Variants in ACSL4 observed in about 807,000 individuals in gnomAD.
The protein encoded by ACSL4 is long-chain-fatty-acid--CoA ligase 4.
Under a neutral mutation model 49.1 loss-of-function variants are expected in ACSL4, and 9 were observed. The ratio of observed to expected loss-of-function variants is 0.18; its 90% confidence interval spans 0.11 to 0.32. ACSL4 has a LOEUF of 0.32. ACSL4 is among the 10% of genes least tolerant of loss of function. The pLI, the probability that ACSL4 is intolerant of heterozygous loss-of-function variation, is 1.00. For synonymous variants in ACSL4, 191 were observed against 170.3 expected, an observed-to-expected ratio of 1.12 and a Z score of -0.95; for missense variants, 333 against 493.7, an observed-to-expected ratio of 0.67 and a Z score of 3.08.
At chrX:109,644,466 TTAAAA>T (rs1934552811) in intron 15 of ACSL4, among the ~76,000 whole-genome samples, 1 of 111,422 alleles carries the variant, frequency 9.0e-6, no homozygotes, top group Non-Finnish European at 1.9e-5. Context: ...TATGTGGTTA[TTAAAA>T]TATACATACA....
chrX:109,688,990 GT>G (rs1216727098), intron 2 of ACSL4, among the ~76,000 whole-genome samples: 1 of 110,754 alleles, frequency 9.0e-6, no homozygotes, highest in Non-Finnish European at 1.9e-5. Context: ...ATATCCAACT[GT>G]TTCCTCAACA....
chrX:109,731,057 C>T (rs933745598), intron 1 of ACSL4, among the ~76,000 whole-genome samples: 1 of 111,311 alleles, frequency 9.0e-6, no homozygotes, highest in Admixed American at 9.6e-5. Flanking sequence ...AACATAATAC[C>T]CAACATTTGT....
At position 109,641,684 on chromosome X, in the gene ACSL4, A is replaced by G. The variant is rs1423464634; in HGVS notation, c.*2345T>C. ...GTGACTTTTTGAATCATTTATCTGT[A>G]TTTCTGAAATATCACACAATTATAC... On this transcript the variant is annotated 3_prime_UTR_variant, in exon 16 of 16. Coordinates refer to ENST00000672401, the MANE Select transcript of ACSL4 (RefSeq NM_001318510.2). 1 of 112,110 alleles carries G rather than the reference A, an allele frequency of 8.9e-6. No individual in the cohort carries two copies. The highest frequency in any genetic ancestry group is 3.2e-5 in the African/African-American group (1 of 30,865). 9.2% of individuals were successfully genotyped at this position (112,110 alleles called of 1,213,427 possible). A position where few individuals can be genotyped will look rare whatever the true frequency, so the allele number is the denominator to read the frequency against.
intron 11 of ACSL4, among the ~76,000 whole-genome samples, chrX:109,667,718 G>A (rs995985344): frequency 7.2e-5 from 8 of 111,140 alleles, no homozygotes; most frequent in Non-Finnish European, 1.1e-4. Context: ...TCAACATGGT[G>A]AAACCCCATC....
At chrX:109,701,907 A>T (rs1176724267) in intron 1 of ACSL4, among the ~76,000 whole-genome samples, 4 of 81,455 alleles carry the variant, frequency 4.9e-5, no homozygotes, top group Non-Finnish European at 9.3e-5. Flanking sequence ...AACTTGCTTT[A>T]AAAAAAAAAA....
At chrX:109,695,758 T>C (rs1290151067) in intron 2 of ACSL4, 3 of 111,072 alleles carry the variant, frequency 2.7e-5, no homozygotes, top group Non-Finnish European at 5.7e-5. Flanking sequence ...GTTAAACCCA[T>C]TTTAAAGATA....
chrX:109,660,189 A>G (rs990371162), intron 14 of ACSL4, among the ~76,000 whole-genome samples: 10 of 111,448 alleles, frequency 9.0e-5, no homozygotes, highest in East Asian at 2.8e-4. Flanking sequence ...TGCAAATCAT[A>G]TATCTGATAA....
rs1926734785 is a variant in ACSL4, at chrX:109,711,342, C to T, written c.-65-15146G>A. Among the ~76,000 whole-genome samples, 3 of 111,953 alleles carry T rather than the reference C, an allele frequency of 2.7e-5. No individual in the cohort carries two copies. The South Asian group carries it at 1.1e-3, about 41-fold the overall frequency. ...TCCATTTACTAAGGAAGACTATGCCCCAGCTGAGAGGCAATCCAGTATGGT... is the reference window on the plus strand; with the variant it reads ...TCCATTTACTAAGGAAGACTATGCCTCAGCTGAGAGGCAATCCAGTATGGT... On this transcript the variant is annotated intron_variant, in intron 1 of 15. Coordinates refer to ENST00000672401, the MANE Select transcript of ACSL4 (RefSeq NM_001318510.2).
chrX:109,671,399 C>T (rs1258546075), intron 9 of ACSL4, among the ~76,000 whole-genome samples: 1 of 111,236 alleles, frequency 9.0e-6, no homozygotes, highest in Non-Finnish European at 1.9e-5. Flanking sequence ...CCAGCCGCCC[C>T]GCCCGGGAGC....
chrX:109,641,563 T>C lies in ACSL4; in HGVS notation c.*2466A>G, dbSNP rs1934446738. On this transcript the variant is annotated 3_prime_UTR_variant, in exon 16 of 16. Coordinates refer to ENST00000672401, the MANE Select transcript of ACSL4 (RefSeq NM_001318510.2). ...ACAATCTTTATCTGTTCTCATCTTG[T>C]TACCTTAGAAACATTTGTCATATGC... is the stretch of plus-strand genomic sequence containing the variant. 8.9e-6 allele frequency: 1 copy of C among 112,827 alleles called. No individual in the cohort carries two copies. Among genetic ancestry groups the C allele is most frequent in the African/African-American group, 3.2e-5 (1 of 31,079 alleles). 9.3% of individuals were successfully genotyped at this position (112,827 alleles called of 1,213,427 possible).
At chrX:109,671,917 T>G (rs1323804903) in intron 9 of ACSL4, among the ~76,000 whole-genome samples, 4 of 109,360 alleles carry the variant, frequency 3.7e-5, no homozygotes, top group Non-Finnish European at 7.6e-5. Flanking sequence ...TAATCTCAAG[T>G]ACCCAGGGAC....
chrX:109,647,649 C>A (rs1437498075), intron 15 of ACSL4, among the ~76,000 whole-genome samples: 4 of 111,098 alleles, frequency 3.6e-5, no homozygotes, highest in African/African-American at 9.8e-5. Context: ...CAAAAGCTAG[C>A]AGAAGGCAAG....
rs1001274260 is a variant in ACSL4 at position 109,683,219 on chromosome X, A to G, written c.145T>C (p.Phe49Leu). 3 of 1,211,532 alleles carry G rather than the reference A, an allele frequency of 2.5e-6. No individual in the cohort carries two copies. Among genetic ancestry groups the G allele is most frequent in the Non-Finnish European group, 3.4e-6 (3 of 895,341 alleles). The change falls in exon 3 of 16, where the codon TTT becomes CTT. Residue 49 changes from phenylalanine to leucine, a missense_variant. Around this residue, in one of 3 missense-constraint regions of ACSL4, gnomAD observed 157 missense variants for 201.1 expected, o/e 0.78. Transcript: ENST00000672401. ...DKLFDHAVSK[F>L]GKKDSLGTRE... ...GTCCCAAGGCTGTCCTTCTTCCCAA[A>G]CTTGGATACAGCATGGTCAAATAAT...
chrX:109,670,641 C>T (rs1277988132), intron 9 of ACSL4, among the ~76,000 whole-genome samples: 1 of 109,964 alleles, frequency 9.1e-6, no homozygotes, highest in African/African-American at 3.3e-5. Flanking sequence ...CTCTCCCTCT[C>T]CCTTCCCCTT....
At chrX:109,716,872 T>C (rs1337560911) in intron 1 of ACSL4, among the ~76,000 whole-genome samples, 2 of 112,299 alleles carry the variant, frequency 1.8e-5, no homozygotes, top group African/African-American at 6.5e-5. Flanking sequence ...AGTGCTGATA[T>C]TTCCTACTAG....
chrX:109,656,253 T>G (rs1421143706), intron 15 of ACSL4, among the ~76,000 whole-genome samples: 4 of 110,508 alleles, frequency 3.6e-5, no homozygotes, highest in Non-Finnish European at 7.6e-5. Flanking sequence ...TTAACAGAGT[T>G]TAGTGGAAGA....
At chrX:109,675,946 T>C (rs1923643739) in intron 8 of ACSL4, among the ~76,000 whole-genome samples, 1 of 112,079 alleles carries the variant, frequency 8.9e-6, no homozygotes. Context: ...CTGAGTGGTA[T>C]AGTCAAACAC....
chrX:109,648,720 A>G (rs1423748744), intron 15 of ACSL4, among the ~76,000 whole-genome samples: 1 of 106,895 alleles, frequency 9.4e-6, no homozygotes, highest in African/African-American at 3.4e-5. Flanking sequence ...AATTAGGAAA[A>G]GAGGAAGTCA....
chrX:109,663,720 G>T (rs1922374105), intron 12 of ACSL4, among the ~76,000 whole-genome samples: 1 of 111,297 alleles, frequency 9.0e-6, no homozygotes, highest in African/African-American at 3.3e-5. Context: ...CCCAGGAAGA[G>T]TAACACTTGA....
Sources: allele counts gnomAD v4.1 joint callset (sites outside exome capture counted in the v4.1 genomes callset), GRCh38; gene constraint gnomAD v4.1.1; regional missense constraint gnomAD v4.1.1; transcripts MANE v1.5; gene names NCBI Gene and HGNC (gene_info 2026-07-23, HGNC 2026-07-21).